Variants in CELA2A observed in about 807,000 individuals in gnomAD.
CELA2A encodes the protein chymotrypsin-like elastase family member 2A.
A neutral mutation model predicts 35.3 loss-of-function variants in CELA2A; 31 were observed. The ratio of observed to expected loss-of-function variants is 0.88; its 90% CI spans 0.66 to 1.19. The LOEUF (loss-of-function observed/expected upper bound fraction) is 1.19, where lower values mean the gene tolerates loss of function less well. Ranked by LOEUF, CELA2A falls within the 50% of genes most tolerant of loss-of-function variation. CELA2A has a pLI of 0.00. For missense variants in CELA2A, 330 were observed against 352.9 expected (o/e 0.94, Z 0.52); for synonymous variants, 150 against 149.8 (o/e 1.00, Z -0.01).
At chr1:15,460,517 C>G (rs1183400968) in intron 2 of CELA2A, among the ~76,000 whole-genome samples, 1 of 152,090 alleles carries the variant, frequency 6.6e-6, no homozygotes, top group Non-Finnish European at 1.5e-5. Context: ...CCATGCCCTA[C>G]TGTCACCTCC....
chr1:15,461,691 C>A lies in CELA2A; in HGVS notation c.227+33C>A, dbSNP rs370563283. The A allele has an allele frequency of 2.0e-4, 315 of 1,613,036 alleles. 1 individual carries two copies. The South Asian group carries it at 2.3e-3, about 12-fold the overall frequency. On this transcript the variant is annotated intron_variant, in intron 3 of 7. Coordinates refer to ENST00000359621, the MANE Select transcript of CELA2A (RefSeq NM_033440.3). ...CCTTTCCCTGGGCGCTTGGCCTGCT[C>A]ACCAGCTGGTGCTCATTTCTGAGCT...
intron 2 of CELA2A, among the ~76,000 whole-genome samples, chr1:15,459,775 G>A (rs1370797634): frequency 6.6e-6 from 1 of 152,144 alleles, no homozygotes; most frequent in East Asian, 1.9e-4. Context: ...CTCAGATGAG[G>A]CAAGTAAGAC....
At chr1:15,460,397 G>A (rs1181869992) in intron 2 of CELA2A, among the ~76,000 whole-genome samples, 2 of 151,992 alleles carry the variant, frequency 1.3e-5, no homozygotes, top group African/African-American at 2.4e-5. Flanking sequence ...TCACACAAAC[G>A]AGAAATGCCA....
chr1:15,467,692 G>A (rs1708539967), intron 7 of CELA2A, among the ~76,000 whole-genome samples, 154 bp downstream of exon 7: 2 of 152,142 alleles, frequency 1.3e-5, no homozygotes, highest in South Asian at 4.1e-4. Flanking sequence ...GTAACTGCTG[G>A]GCCTGCCATG....
chr1:15,457,235 T>C (rs1217705960), intron 2 of CELA2A, 61 bp downstream of exon 2: 1 of 1,521,454 alleles, frequency 6.6e-7, no homozygotes. Flanking sequence ...ATCTCCCCTT[T>C]GCCCTTCCAC....
At position 15,468,260 on chromosome 1, in the gene CELA2A, C is replaced by T. The variant is rs113788656; in HGVS notation, c.792+722C>T. 1.2e-4 allele frequency among the ~76,000 whole-genome samples: 18 copies of T among 152,112 alleles called. 1 individual carries two copies. Among genetic ancestry groups the T allele is most frequent in the African/African-American group, 4.3e-4 (18 of 41,480 alleles). Reference sequence around the variant, plus strand: ...TAGCATTAATTATTGGAAATTAGTCCACCTCAGGGGTCCTCCAGCTATTCT... The same window carrying T: ...TAGCATTAATTATTGGAAATTAGTCTACCTCAGGGGTCCTCCAGCTATTCT... On this transcript the variant is annotated intron_variant, in intron 7 of 7. Coordinates refer to ENST00000359621, the MANE Select transcript of CELA2A (RefSeq NM_033440.3).
intron 4 of CELA2A, 55 bp downstream of exon 4, chr1:15,462,916 G>C (rs1163510924): frequency 1.9e-6 from 3 of 1,611,746 alleles, no homozygotes; most frequent in Non-Finnish European, 2.5e-6. Context: ...ACAGATGGGG[G>C]TCTCACAGAG....
chr1:15,469,450 G>A (rs1392741872), intron 7 of CELA2A, among the ~76,000 whole-genome samples: 1 of 152,166 alleles, frequency 6.6e-6, no homozygotes, highest in East Asian at 1.9e-4. Context: ...AATTTGCAGA[G>A]AAGTGTTAAA....
chr1:15,471,187 G>A (rs1708589485), intron 7 of CELA2A, among the ~76,000 whole-genome samples: 1 of 152,168 alleles, frequency 6.6e-6, no homozygotes, highest in Non-Finnish European at 1.5e-5. Flanking sequence ...ACTGGTCTGA[G>A]TATTTGTGCT....
chr1:15,462,498 A>G (rs1274519409), intron 3 of CELA2A, among the ~76,000 whole-genome samples: 1 of 152,160 alleles, frequency 6.6e-6, no homozygotes, highest in Non-Finnish European at 1.5e-5. Flanking sequence ...TGTTATTATA[A>G]CTTTTATTTT....
chr1:15,457,459 A>C, intron 2 of CELA2A: 1 of 344,120 alleles, frequency 2.9e-6, no homozygotes. Flanking sequence ...AATAATACAC[A>C]AGTAGCCAGG....
intron 3 of CELA2A, chr1:15,462,211 G>A (rs749446856): frequency 1.1e-5 from 5 of 469,484 alleles, no homozygotes; most frequent in Admixed American, 2.3e-5. Flanking sequence ...AGTTTCTGCC[G>A]GGTCGGCGTG....
chr1:15,462,295 G>C, intron 3 of CELA2A: 1 of 458,822 alleles, frequency 2.2e-6, no homozygotes, highest in East Asian at 7.0e-5. Flanking sequence ...GAAAATAATA[G>C]AGGCCTACAG....
intron 2 of CELA2A, among the ~76,000 whole-genome samples, chr1:15,459,308 G>T (rs1274420300): frequency 1.3e-5 from 2 of 150,568 alleles, no homozygotes; most frequent in African/African-American, 2.4e-5. Flanking sequence ...GACCACAGGT[G>T]CATGCCCCCA....
rs1167769451 is a variant in CELA2A, at chr1:15,463,411, G to A, written c.382G>A (p.Ala128Thr). The A allele has an allele frequency of 6.2e-7, 1 of 1,613,810 alleles. No individual in the cohort carries two copies. Among genetic ancestry groups the A allele is most frequent in the Non-Finnish European group, 8.5e-7 (1 of 1,179,880 alleles). Residue 128 changes from alanine to threonine, a missense_variant, in exon 5 of 8, where the codon GCT (alanine) becomes ACT (threonine). Physicochemically the swap from Ala to Thr is moderately conservative, Grantham distance 58. Coordinates refer to ENST00000359621, the MANE Select transcript of CELA2A (RefSeq NM_033440.3). ...KGNDIALLKL[A>T]NPVSLTDKIQ... The stretch of plus-strand genomic sequence containing the variant: ...GAACGACATTGCCCTGCTCAAACTG[G>A]CTAACCCCGTCTCCCTCACCGACAA...
chr1:15,466,730 CAAAGG>C (rs1337542765), intron 6 of CELA2A, among the ~76,000 whole-genome samples: 1 of 152,102 alleles, frequency 6.6e-6, no homozygotes, highest in Non-Finnish European at 1.5e-5. Context: ...GGAAGGGAAC[CAAAGG>C]AAAGTATTCC....
intron 2 of CELA2A, among the ~76,000 whole-genome samples, chr1:15,459,427 G>A (rs1359069535): frequency 3.3e-5 from 5 of 151,738 alleles, no homozygotes; most frequent in Non-Finnish European, 5.9e-5. Context: ...GCCTCCCAAA[G>A]TGCTGGGATC....
At chr1:15,468,771 C>T (rs1208645476) in intron 7 of CELA2A, among the ~76,000 whole-genome samples, 2 of 152,138 alleles carry the variant, frequency 1.3e-5, no homozygotes, top group Non-Finnish European at 2.9e-5. Flanking sequence ...TAAGCCTGGG[C>T]GACATAGCAA....
At chr1:15,456,893 G>A in intron 1 of CELA2A, 100 bp downstream of exon 1, 1 of 1,469,456 alleles carries the variant, frequency 6.8e-7, no homozygotes, top group East Asian at 2.3e-5. Context: ...AACCCCTACT[G>A]CATTCAGACC....
Sources: allele counts gnomAD v4.1 joint callset (sites outside exome capture counted in the v4.1 genomes callset), GRCh38; gene constraint gnomAD v4.1.1; transcripts MANE v1.5; gene names NCBI Gene and HGNC (gene_info 2026-07-23, HGNC 2026-07-21).